ANP32A: variants seen among roughly 807,000 people sequenced by gnomAD.
The protein encoded by ANP32A is acidic leucine-rich nuclear phosphoprotein 32 family member A.
Under a neutral mutation model 33.9 loss-of-function variants are expected in ANP32A, and 1 was observed. That is an observed-to-expected ratio of 0.03 (90% confidence interval 0.01 to 0.14). The LOEUF (loss-of-function observed/expected upper bound fraction) is 0.14, where lower values mean the gene tolerates loss of function less well. Among genes scored for constraint, ANP32A ranks in the 10% least tolerant of loss-of-function variants. The pLI is 1.00. For synonymous variants in ANP32A, 115 were observed against 120.5 expected (o/e 0.95, Z 0.30); for missense variants, 155 against 306.0 (o/e 0.51, Z 3.68).
chr15:68,802,130 C>T (rs1261829305), intron 1 of ANP32A, among the ~76,000 whole-genome samples: 1 of 152,178 alleles, frequency 6.6e-6, no homozygotes, highest in African/African-American at 2.4e-5. Context: ...TCAGTGGACT[C>T]GCTGGTTCAA....
chr15:68,812,456 G>T (rs1307913156), intron 1 of ANP32A, among the ~76,000 whole-genome samples: 1 of 152,182 alleles, frequency 6.6e-6, no homozygotes, highest in East Asian at 1.9e-4. Context: ...CTAGGATTGA[G>T]TCCTTATGCT....
chr15:68,818,018 G>A (rs1272689592), intron 1 of ANP32A, among the ~76,000 whole-genome samples: 1 of 152,168 alleles, frequency 6.6e-6, no homozygotes, highest in Non-Finnish European at 1.5e-5. Flanking sequence ...GCTCAGCCCC[G>A]AGTGGGCCTA....
intron 4 of ANP32A, 48 bp from the exon 5 acceptor site, chr15:68,783,101 C>T: frequency 6.5e-7 from 1 of 1,549,384 alleles, no homozygotes. Context: ...GGTGAGCTGG[C>T]TCCGCCCCCC....
At chr15:68,802,794 AG>A (rs1224109379) in intron 1 of ANP32A, among the ~76,000 whole-genome samples, 1 of 152,172 alleles carries the variant, frequency 6.6e-6, no homozygotes, top group African/African-American at 2.4e-5. Context: ...CTGGGATTAC[AG>A]GTATGTGCCA....
At position 68,815,419 on chromosome 15, in the gene ANP32A, GTAACGAGATCTGT is replaced by G. The variant is rs764490187; in HGVS notation, c.54+5266_54+5278del. Among the ~76,000 whole-genome samples the G allele has an allele frequency of 3.4e-3, 505 of 148,692 alleles. 1 individual carries two copies. Among genetic ancestry groups the G allele is most frequent in the African/African-American group, 0.012 (489 of 39,402 alleles). On this transcript the variant is annotated intron_variant, in intron 1 of 6. Transcript: ENST00000465139. ...ATATATTGAGTACAATTTTTTTTTT[GTAACGAGATCTGT>G]TAACGAGACAAGTGGATTTCTTATT...
intron 1 of ANP32A, among the ~76,000 whole-genome samples, chr15:68,797,185 G>A (rs1415115181): frequency 6.6e-6 from 1 of 152,138 alleles, no homozygotes; most frequent in African/African-American, 2.4e-5. Context: ...GGCCCCGGGT[G>A]CTGGGTTCTG....
At position 68,820,798 on chromosome 15, in the gene ANP32A, A is replaced by G. The variant is rs376850542; in HGVS notation, c.-47T>C. 19 of 1,608,690 alleles carry G rather than the reference A, an allele frequency of 1.2e-5. No homozygotes were observed. The highest frequency in any genetic ancestry group is 1.4e-5 in the Non-Finnish European group (17 of 1,175,802). On this transcript the variant is annotated 5_prime_UTR_variant, in exon 1 of 7. Coordinates refer to ENST00000465139, the MANE Select transcript of ANP32A (RefSeq NM_006305.4). ...GAGGCTCCCGCGCCGGCGGAATTCAATCAATAAACCCCGAACCCACGGCCG... is the reference window on the plus strand; with the variant it reads ...GAGGCTCCCGCGCCGGCGGAATTCAGTCAATAAACCCCGAACCCACGGCCG...
chr15:68,790,849 T>C (rs555756941), intron 1 of ANP32A: 2 of 152,230 alleles, frequency 1.3e-5, no homozygotes, highest in South Asian at 2.1e-4. Context: ...CAGAACACAA[T>C]ACCCAAATGT....
chr15:68,814,994 C>T (rs532004056), intron 1 of ANP32A, among the ~76,000 whole-genome samples: 61 of 152,300 alleles, frequency 4.0e-4, no homozygotes, highest in Admixed American at 5.2e-4. Context: ...GAGTACACAA[C>T]GAAGAATTTC....
chr15:68,793,198 T>A (rs1894019881), intron 1 of ANP32A, among the ~76,000 whole-genome samples: 2 of 152,212 alleles, frequency 1.3e-5, no homozygotes, highest in African/African-American at 4.8e-5. Context: ...AGCAACTGCT[T>A]AACAAATGTC....
intron 3 of ANP32A, among the ~76,000 whole-genome samples, chr15:68,784,808 TG>T (rs1242219175): frequency 6.6e-6 from 1 of 152,026 alleles, no homozygotes; most frequent in Non-Finnish European, 1.5e-5. Flanking sequence ...ATCTGGAAAA[TG>T]GGGGGTTGGA....
At chr15:68,800,111 G>C (rs1280558054) in intron 1 of ANP32A, among the ~76,000 whole-genome samples, 2 of 152,142 alleles carry the variant, frequency 1.3e-5, no homozygotes, top group South Asian at 4.1e-4. Flanking sequence ...CATACATAAA[G>C]AGTGCTGGAT....
rs1237720675 is a variant in ANP32A at position 68,778,949 on chromosome 15, CAT to C, written c.*1130_*1131del. 1 of 152,052 alleles carries C rather than the reference CAT, an allele frequency of 6.6e-6. No homozygotes were observed. The highest frequency in any genetic ancestry group is 1.5e-5 in the Non-Finnish European group (1 of 67,998). The allele number at this position is 152,052 out of a possible 1,614,324, so 9.4% of individuals were successfully genotyped here. A position where few individuals can be genotyped will look rare whatever the true frequency, so the allele number is the denominator to read the frequency against. On this transcript the variant is annotated 3_prime_UTR_variant, in exon 7 of 7. Coordinates refer to ENST00000465139, the MANE Select transcript of ANP32A (RefSeq NM_006305.4). ...TTGAAATTTATCAATGACAAACAGA[CAT>C]AAAACTCAAAGTTTGGCTCTTCTGA... is the stretch of plus-strand genomic sequence containing the variant.
chr15:68,796,185 G>A (rs1054061976), intron 1 of ANP32A, among the ~76,000 whole-genome samples: 11 of 152,308 alleles, frequency 7.2e-5, no homozygotes, highest in African/African-American at 2.6e-4. Flanking sequence ...AGATTCAAGC[G>A]ATTCTCTTGC....
chr15:68,803,946 C>G (rs775768311), intron 1 of ANP32A, among the ~76,000 whole-genome samples: 1 of 151,610 alleles, frequency 6.6e-6, no homozygotes, highest in African/African-American at 2.4e-5. Context: ...GGATTACAGG[C>G]GTGCACCACC....
chr15:68,820,176 T>C (rs1393119041), intron 1 of ANP32A, among the ~76,000 whole-genome samples: 3 of 151,630 alleles, frequency 2.0e-5, no homozygotes, highest in South Asian at 2.1e-4. Context: ...CCCAAACTTA[T>C]TGTGTGTGCG....
At chr15:68,790,695 A>G (rs1893988361) in intron 1 of ANP32A, 1 of 152,146 alleles carries the variant, frequency 6.6e-6, no homozygotes, top group Non-Finnish European at 1.5e-5. Context: ...CTAAAATCCC[A>G]AAAGAAGGTC....
At chr15:68,803,401 A>C (rs1395587771) in intron 1 of ANP32A, among the ~76,000 whole-genome samples, 1 of 152,244 alleles carries the variant, frequency 6.6e-6, no homozygotes, top group African/African-American at 2.4e-5. Context: ...TGCCTGTTCC[A>C]CAATGAGCAA....
Position 68,778,705 on chromosome 15 carries a change from G to A in ANP32A, c.*1376C>T, listed in dbSNP as rs1893824312. The A allele has an allele frequency of 6.6e-6, 1 of 152,134 alleles. No homozygotes were observed. Among genetic ancestry groups the A allele is most frequent in the Admixed American group, 6.5e-5 (1 of 15,280 alleles). 9.4% of individuals were successfully genotyped at this position (152,134 alleles called of 1,614,324 possible). ...TAACTCTGTAACTTTTTTAAAGGAA[G>A]CTTTTAATGAAGATACACCACTGAG... On this transcript the variant is annotated 3_prime_UTR_variant, in exon 7 of 7. Transcript: ENST00000465139.
Sources: gnomAD v4.1 joint callset for allele counts (sites outside exome capture counted in the v4.1 genomes callset) on GRCh38, gnomAD v4.1.1 for gene constraint, MANE v1.5 for transcripts, NCBI Gene and HGNC (gene_info 2026-07-23, HGNC 2026-07-21) for gene names.